The following RCAN2 variants were observed in gnomAD, a reference collection of about 807,000 sequenced individuals.
RCAN2 encodes regulator of calcineurin 2.
In RCAN2, 9 loss-of-function variants were observed where a neutral mutation model predicts 23.6. The ratio of observed to expected loss-of-function variants is 0.38; its 90% CI spans 0.23 to 0.67. The LOEUF (loss-of-function observed/expected upper bound fraction) is 0.67. Ranked by LOEUF, RCAN2 falls within the 30% of genes least tolerant of loss-of-function variation. The pLI is 0.51. For missense variants in RCAN2, 273 were observed against 302.3 expected, an observed-to-expected ratio of 0.90 and a Z score of 0.72; for synonymous variants, 109 against 115.7, an observed-to-expected ratio of 0.94 and a Z score of 0.37.
At chr6:46,393,344 T>C (rs1765990374) in intron 2 of RCAN2, among the ~76,000 whole-genome samples, 2 of 152,196 alleles carry the variant, frequency 1.3e-5, no homozygotes, top group Admixed American at 6.5e-5. Flanking sequence ...GTGGGGATGA[T>C]AATATTATTG....
At chr6:46,400,527 G>C (rs944907856) in intron 2 of RCAN2, among the ~76,000 whole-genome samples, 3 of 152,148 alleles carry the variant, frequency 2.0e-5, no homozygotes, top group African/African-American at 7.2e-5. Context: ...TTCCACTAGA[G>C]AAAGTAGTGA....
chr6:46,313,721 T>A (rs1221403764), intron 2 of RCAN2, among the ~76,000 whole-genome samples: 1 of 152,224 alleles, frequency 6.6e-6, no homozygotes, highest in Admixed American at 6.5e-5. Context: ...TGGGGAACTC[T>A]TCTAACCAGA....
At chr6:46,322,032 G>C (rs1284916353) in intron 2 of RCAN2, among the ~76,000 whole-genome samples, 2 of 152,040 alleles carry the variant, frequency 1.3e-5, no homozygotes, top group Non-Finnish European at 2.9e-5. Flanking sequence ...CTGGGGGTGG[G>C]GCCTGGGCAC....
intron 2 of RCAN2, among the ~76,000 whole-genome samples, chr6:46,365,175 T>C (rs1765132227): frequency 6.6e-6 from 1 of 152,124 alleles, no homozygotes; most frequent in Admixed American, 6.6e-5. Flanking sequence ...TCACCCCATC[T>C]GTAGAAAAAT....
rs1056260491 is a variant in RCAN2 at position 46,291,807 on chromosome 6, A to C, written c.226-42911T>G. ...ATGCAGTTTTTGTGGTGCCCTATGCATACCTAAGAAGGAACCCATAGTATA... is the reference window on the plus strand; with the variant it reads ...ATGCAGTTTTTGTGGTGCCCTATGCCTACCTAAGAAGGAACCCATAGTATA... On this transcript the variant is annotated intron_variant, in intron 2 of 4. Transcript: ENST00000371374. Among the ~76,000 whole-genome samples the C allele has an allele frequency of 4.6e-5, 7 of 152,252 alleles. No individual in the cohort carries two copies. The South Asian group carries it at 1.5e-3, about 32-fold the overall frequency.
intron 1 of RCAN2, among the ~76,000 whole-genome samples, chr6:46,470,207 A>G (rs986230234): frequency 1.4e-5 from 2 of 147,274 alleles, no homozygotes; most frequent in African/African-American, 5.4e-5. Flanking sequence ...TGCAGCCGAC[A>G]GACTCCTGAG....
At chr6:46,389,934 C>G (rs530443306) in intron 2 of RCAN2, among the ~76,000 whole-genome samples, 2 of 150,840 alleles carry the variant, frequency 1.3e-5, no homozygotes, top group Non-Finnish European at 2.9e-5. Context: ...GTAATTTTGC[C>G]AAACACTCAC....
intron 1 of RCAN2, among the ~76,000 whole-genome samples, chr6:46,465,791 G>T (rs1212674427): frequency 2.6e-5 from 4 of 152,214 alleles, no homozygotes; most frequent in Non-Finnish European, 4.4e-5. Flanking sequence ...GAGGGATAAG[G>T]GTGGAGAGAG....
chr6:46,340,720 G>T (rs564255067), intron 2 of RCAN2, among the ~76,000 whole-genome samples: 2 of 152,290 alleles, frequency 1.3e-5, no homozygotes, highest in African/African-American at 4.8e-5. Flanking sequence ...AGTGTATCTG[G>T]TAAAATAGAA....
At chr6:46,378,720 C>CTGTAGCAGCCCGTTAAACA (rs1765545193) in intron 2 of RCAN2, among the ~76,000 whole-genome samples, 1 of 152,168 alleles carries the variant, frequency 6.6e-6, no homozygotes, top group African/African-American at 2.4e-5. Flanking sequence ...ACTGATGCTG[C>CTGTAGCAGCCCGTTAAACA]TGTAGCAGCC....
At chr6:46,246,422 C>T (rs561494660) in intron 4 of RCAN2, among the ~76,000 whole-genome samples, 4 of 152,228 alleles carry the variant, frequency 2.6e-5, no homozygotes, top group African/African-American at 7.2e-5. Context: ...TTTGTCTGTT[C>T]TGAGGAAACA....
At chr6:46,335,252 C>T (rs1764103352) in intron 2 of RCAN2, among the ~76,000 whole-genome samples, 1 of 152,182 alleles carries the variant, frequency 6.6e-6, no homozygotes, top group East Asian at 1.9e-4. Flanking sequence ...GAAAGGACAT[C>T]AAATTCTGGA....
At chr6:46,298,977 G>T (rs1391490020) in intron 2 of RCAN2, among the ~76,000 whole-genome samples, 1 of 152,036 alleles carries the variant, frequency 6.6e-6, no homozygotes, top group Non-Finnish European at 1.5e-5. Context: ...GCAGCCAGAG[G>T]CCATTATCTT....
intron 2 of RCAN2, among the ~76,000 whole-genome samples, chr6:46,408,373 C>A (rs1447973814): frequency 6.6e-6 from 1 of 152,196 alleles, no homozygotes; most frequent in African/African-American, 2.4e-5. Flanking sequence ...AACACGGGTT[C>A]TCTTTGTCCT....
chr6:46,413,638 C>A (rs1766614048), intron 2 of RCAN2, among the ~76,000 whole-genome samples: 1 of 152,256 alleles, frequency 6.6e-6, no homozygotes, highest in South Asian at 2.1e-4. Context: ...GTTGATGGAT[C>A]CCTTAGATCA....
intron 2 of RCAN2, among the ~76,000 whole-genome samples, chr6:46,393,820 T>C (rs1766005545): frequency 6.6e-6 from 1 of 152,192 alleles, no homozygotes; most frequent in Middle Eastern, 3.2e-3. Context: ...TGCTTGTCAG[T>C]GTACCAAGGG....
rs1367375165 is a variant in RCAN2 at position 46,401,377 on chromosome 6, C to G, written c.225+55375G>C. On this transcript the variant is annotated intron_variant, in intron 2 of 4. Coordinates refer to ENST00000371374, the MANE Select transcript of RCAN2 (RefSeq NM_001251974.2). ...GTCAGGGCCCACAAGGGTCCCCCTA[C>G]AGTTTGAACATGGGGGAGACAGTAG... Among the ~76,000 whole-genome samples, 14 of 152,190 alleles carry G rather than the reference C, an allele frequency of 9.2e-5. No homozygotes were observed. In the South Asian group the frequency reaches 2.7e-3, roughly 29 times the overall value.
In RCAN2 at chr6:46,293,192, C is replaced by T. The variant is rs113625176; in HGVS notation, c.226-44296G>A. On this transcript the variant is annotated intron_variant, in intron 2 of 4. Transcript: ENST00000371374. ...TAGTGCTGCAATAAACATACGTGTGCATGTGTCTTTATAGTAGAATGATTT... is the reference window on the plus strand; with the variant it reads ...TAGTGCTGCAATAAACATACGTGTGTATGTGTCTTTATAGTAGAATGATTT... 3.4e-3 allele frequency among the ~76,000 whole-genome samples: 522 copies of T among 152,236 alleles called. 4 individuals are homozygous for T. Among genetic ancestry groups the T allele is most frequent in the African/African-American group, 0.012 (508 of 41,552 alleles).
At chr6:46,235,886 G>A (rs1187288014) in intron 4 of RCAN2, among the ~76,000 whole-genome samples, 1 of 152,130 alleles carries the variant, frequency 6.6e-6, no homozygotes, top group Non-Finnish European at 1.5e-5. Flanking sequence ...GACAACAGTT[G>A]GAGAGATCAC....
Sources: allele counts gnomAD v4.1 joint callset (sites outside exome capture counted in the v4.1 genomes callset), GRCh38; gene constraint gnomAD v4.1.1; transcripts MANE v1.5; gene names NCBI Gene and HGNC (gene_info 2026-07-23, HGNC 2026-07-21).